CFAP54: variants seen among roughly 807,000 people sequenced by gnomAD.
CFAP54 encodes cilia- and flagella-associated protein 54.
Under a neutral mutation model 370.4 loss-of-function variants are expected in CFAP54, and 290 were observed. The ratio of observed to expected loss-of-function variants is 0.78; its 90% CI spans 0.71 to 0.86. CFAP54 has a LOEUF of 0.86. CFAP54 is among the 40% of genes least tolerant of loss of function. The pLI is 0.00. For synonymous variants in CFAP54, 1,206 were observed against 1,236.5 expected, an observed-to-expected ratio of 0.98 and a Z score of 0.52; for missense variants, 3,399 against 3,528.7, an observed-to-expected ratio of 0.96 and a Z score of 0.93.
rs907874969 is a variant in CFAP54, at chr12:96,690,268, A to G, written c.6082-860A>G. Among the ~76,000 whole-genome samples the G allele has an allele frequency of 3.3e-5, 5 of 152,346 alleles. No individual in the cohort carries two copies. The South Asian group carries it at 8.3e-4, about 25-fold the overall frequency. On this transcript the variant is annotated intron_variant, in intron 43 of 67. Coordinates refer to ENST00000524981, the MANE Select transcript of CFAP54 (RefSeq NM_001306084.2). ...TTTTAAAACAAATTTGTGATAGTAA[A>G]AATTTCAACAACTACAAAGTATTTT...
intron 19 of CFAP54, among the ~76,000 whole-genome samples, chr12:96,574,905 TTCTC>T (rs1294437632): frequency 2.6e-5 from 4 of 152,120 alleles, no homozygotes; most frequent in South Asian, 4.1e-4. Context: ...GGATATCTGT[TTCTC>T]TCTGTATTTG....
chr12:96,616,366 GT>G (rs1565915885), intron 26 of CFAP54, among the ~76,000 whole-genome samples: 3 of 151,986 alleles, frequency 2.0e-5, no homozygotes, highest in African/African-American at 7.3e-5. Flanking sequence ...CTGTCGTGGG[GT>G]GGTGGGAGGG....
intron 66 of CFAP54, among the ~76,000 whole-genome samples, chr12:96,837,062 T>C (rs1056444319): frequency 1.1e-4 from 17 of 152,156 alleles, no homozygotes; most frequent in African/African-American, 4.1e-4. Context: ...TCTCAAATGA[T>C]CCTCCCATCT....
intron 38 of CFAP54, among the ~76,000 whole-genome samples, chr12:96,658,701 C>G (rs975300375): frequency 1.3e-5 from 2 of 152,086 alleles, no homozygotes; most frequent in African/African-American, 4.8e-5. Flanking sequence ...TCTCAGCTCA[C>G]TGCAACCTCC....
intron 17 of CFAP54, among the ~76,000 whole-genome samples, chr12:96,560,027 G>A (rs1480437578): frequency 6.6e-6 from 1 of 151,688 alleles, no homozygotes; most frequent in African/African-American, 2.4e-5. Flanking sequence ...ATATTTATGG[G>A]GTACATGCAA....
intron 46 of CFAP54, among the ~76,000 whole-genome samples, chr12:96,704,209 C>T (rs1455472457): frequency 4.0e-5 from 6 of 151,698 alleles, no homozygotes; most frequent in African/African-American, 9.7e-5. Context: ...GGGCAGATCA[C>T]GAGGTCAGGA....
chr12:96,858,947 AG>A, intron 66 of CFAP54, among the ~76,000 whole-genome samples: 1 of 152,370 alleles, frequency 6.6e-6, no homozygotes, highest in Middle Eastern at 3.4e-3. Flanking sequence ...TAAATAGCCA[AG>A]GCAATCTTAA....
chr12:96,556,479 T>C (rs2136402882), intron 17 of CFAP54, among the ~76,000 whole-genome samples: 1 of 152,278 alleles, frequency 6.6e-6, no homozygotes, highest in African/African-American at 2.4e-5. Flanking sequence ...TTGCCATTAT[T>C]GCTGTAACAA....
rs1301075109 is a variant in CFAP54 at position 96,521,573 on chromosome 12, G to C, written c.943-284G>C. On this transcript the variant is annotated intron_variant, in intron 6 of 67. Transcript: ENST00000524981. ...GCGCGTGCGCACATGAGGACGTGCGGTGCCAAATGCTGAGAAGCGATAATC... is the reference window on the plus strand; with the variant it reads ...GCGCGTGCGCACATGAGGACGTGCGCTGCCAAATGCTGAGAAGCGATAATC... Among the ~76,000 whole-genome samples, 4 of 151,792 alleles carry C rather than the reference G, an allele frequency of 2.6e-5. No individual in the cohort carries two copies. The East Asian group carries it at 7.8e-4, about 29-fold the overall frequency.
intron 33 of CFAP54, 21 bp downstream of exon 33, chr12:96,644,429 A>C: frequency 1.4e-6 from 2 of 1,455,906 alleles, no homozygotes; most frequent in Non-Finnish European, 1.9e-6. Flanking sequence ...TTACTGATGA[A>C]AAATACTTTT....
intron 17 of CFAP54, among the ~76,000 whole-genome samples, chr12:96,562,969 G>A (rs990000482): frequency 2.0e-5 from 3 of 152,094 alleles, no homozygotes; most frequent in Non-Finnish European, 4.4e-5. Flanking sequence ...TAATAATCTT[G>A]AACATGTTTT....
intron 60 of CFAP54, among the ~76,000 whole-genome samples, chr12:96,773,421 TATA>T (rs1958483199): frequency 6.6e-6 from 1 of 152,244 alleles, no homozygotes; most frequent in Non-Finnish European, 1.5e-5. Flanking sequence ...GCACTGAATT[TATA>T]ATACCTAAAA....
chr12:96,607,532 C>T (rs1166738691), intron 26 of CFAP54, among the ~76,000 whole-genome samples: 2 of 152,076 alleles, frequency 1.3e-5, no homozygotes, highest in African/African-American at 4.8e-5. Context: ...CAACATAGTA[C>T]AGAATTACCT....
At chr12:96,636,385 A>G (rs868232771) in intron 32 of CFAP54, among the ~76,000 whole-genome samples, 1 of 152,124 alleles carries the variant, frequency 6.6e-6, no homozygotes. Flanking sequence ...AAAATTATCC[A>G]TTTTATCTAA....
intron 28 of CFAP54, 45 bp from the exon 29 acceptor site, chr12:96,625,673 G>T: frequency 8.2e-7 from 1 of 1,224,682 alleles, no homozygotes; most frequent in Non-Finnish European, 1.1e-6. Context: ...TTTGTATTTT[G>T]CGTTACTAAA....
At chr12:96,520,694 C>T (rs1182922028) in intron 6 of CFAP54, among the ~76,000 whole-genome samples, 2 of 152,192 alleles carry the variant, frequency 1.3e-5, no homozygotes, top group African/African-American at 2.4e-5. Context: ...TGGGCCAACA[C>T]GTTCCTGCAC....
chr12:96,792,165 T>C (rs1233734782), intron 62 of CFAP54, among the ~76,000 whole-genome samples, 164 bp from the exon 63 acceptor site: 5 of 152,172 alleles, frequency 3.3e-5, no homozygotes, highest in Admixed American at 2.0e-4. Flanking sequence ...ATTTTTACTG[T>C]AGGAGAATCT....
intron 63 of CFAP54, among the ~76,000 whole-genome samples, chr12:96,792,963 A>T (rs1958718310): frequency 6.6e-6 from 1 of 151,814 alleles, no homozygotes. Flanking sequence ...ATTTTGCTGG[A>T]TTCAGTTTGC....
chr12:96,824,622 C>T (rs1959066264), intron 65 of CFAP54, among the ~76,000 whole-genome samples: 1 of 152,082 alleles, frequency 6.6e-6, no homozygotes, highest in African/African-American at 2.4e-5. Flanking sequence ...GCAAGATCAG[C>T]AGAGGACACT....
Sources: gnomAD v4.1 joint callset for allele counts (sites outside exome capture counted in the v4.1 genomes callset) on GRCh38, gnomAD v4.1.1 for gene constraint, MANE v1.5 for transcripts, NCBI Gene and HGNC (gene_info 2026-07-23, HGNC 2026-07-21) for gene names.